The following UNC45A variants were observed in gnomAD, a reference collection of about 807,000 sequenced individuals.
UNC45A encodes unc-45 myosin chaperone A.
A neutral mutation model predicts 103.2 loss-of-function variants in UNC45A; 78 were observed. The ratio of observed to expected loss-of-function variants is 0.76; its 90% CI spans 0.63 to 0.91. UNC45A has a LOEUF of 0.91. UNC45A is among the 40% of genes least tolerant of loss of function. The pLI is 0.00. For synonymous variants in UNC45A, 495 were observed against 504.6 expected (o/e 0.98, Z 0.25); for missense variants, 1,193 against 1,224.8 (o/e 0.97, Z 0.39).
At chr15:90,935,109 G>A (rs1437834173), upstream of UNC45A, 2 of 597,590 alleles carry the variant, frequency 3.3e-6, no homozygotes, top group African/African-American at 1.9e-5. Context: ...AGGTCTCTGC[G>A]GGGACAGCTT....
chr15:90,931,778 C>T (rs1269694384), upstream of UNC45A: 1 of 1,614,182 alleles, frequency 6.2e-7, no homozygotes, highest in Admixed American at 1.7e-5. Flanking sequence ...GGCCCCGGGG[C>T]TACTGTGGGG....
At chr15:90,950,940 A>G (rs2036871649) in intron 17 of UNC45A, among the ~76,000 whole-genome samples, 1 of 152,222 alleles carries the variant, frequency 6.6e-6, no homozygotes, top group Admixed American at 6.5e-5. Flanking sequence ...ATAAAATGAG[A>G]AAATACACCT....
Position 90,953,625 on chromosome 15 carries a change from G to A in UNC45A, c.2744G>A (p.Gly915Asp), listed in dbSNP as rs1178747536. 1 of 1,614,112 alleles carries A rather than the reference G, an allele frequency of 6.2e-7. No homozygotes were observed. Among genetic ancestry groups the A allele is most frequent in the Non-Finnish European group, 8.5e-7 (1 of 1,180,020 alleles). Residue 915 changes from glycine to aspartate, a missense_variant, in exon 20 of 20, where the codon GGT becomes GAT. Gly to Asp is a moderately conservative substitution (Grantham distance 94, BLOSUM62 -1). Coordinates refer to ENST00000418476, the MANE Select transcript of UNC45A (RefSeq NM_018671.5). ...MMEILSVLAKGDHSPVTRAAA... is the reference protein window; with the variant it reads ...MMEILSVLAKDDHSPVTRAAA... ...GAGATCTTGTCAGTGCTAGCTAAGGGTGACCACAGCCCTGTCACAAGGGCT... is the reference window on the plus strand; with the variant it reads ...GAGATCTTGTCAGTGCTAGCTAAGGATGACCACAGCCCTGTCACAAGGGCT...
At chr15:90,946,276 GA>G (rs1355473212) in intron 9 of UNC45A, among the ~76,000 whole-genome samples, 8 of 146,280 alleles carry the variant, frequency 5.5e-5, no homozygotes, top group Non-Finnish European at 1.1e-4. Flanking sequence ...AAAAAAGAAA[GA>G]AAAAAAATTA....
chr15:90,942,434 C>T lies in UNC45A; in HGVS notation c.688-3C>T, dbSNP rs753107026. The T allele has an allele frequency of 6.2e-7, 1 of 1,605,540 alleles. No individual in the cohort carries two copies. Among genetic ancestry groups the T allele is most frequent in the Non-Finnish European group, 8.5e-7 (1 of 1,174,766 alleles). ...TTCCTTCTGTTTACCTCTCCCACCCCAGACAGTGGCAACCCTGAGCATACT... is the reference window on the plus strand; with the variant it reads ...TTCCTTCTGTTTACCTCTCCCACCCTAGACAGTGGCAACCCTGAGCATACT... On this transcript the variant is annotated splice_region_variant and splice_polypyrimidine_tract_variant and intron_variant, in intron 6 of 19. Coordinates refer to ENST00000418476, the MANE Select transcript of UNC45A (RefSeq NM_018671.5).
Position 90,953,702 on chromosome 15 carries a change from C to T in UNC45A, c.2821C>T (p.Gln941Ter), listed in dbSNP as rs751951586. The part of the protein sequence containing the change: ...AVEYGLIQPN[Q>*]DGE ...GGAATATGGGCTTATCCAACCCAAC[C>T]AAGATGGAGAGTGAGGGGGTTGTCC... Residue 941 changes from glutamine (Q) to a stop codon, truncating the protein, a stop_gained, in exon 20 of 20, where the codon CAA becomes TAA. Transcript: ENST00000418476. LOFTEE classifies it high-confidence loss of function. 49 of 1,613,748 alleles carry T rather than the reference C, an allele frequency of 3.0e-5. No homozygotes were observed. The highest frequency in any genetic ancestry group is 3.9e-5 in the Non-Finnish European group (46 of 1,179,932).
In UNC45A at chr15:90,935,956, A is replaced by G; in HGVS notation, c.224A>G (p.Asp75Gly). ...AACHLKLEDY[D>G]KAETEASKAI... ...GTCTTTCTCTTACAGGAAGATTACG[A>G]CAAAGCAGAAACAGAGGCATCCAAA... is the stretch of plus-strand genomic sequence containing the variant. Residue 75 changes from aspartate to glycine, a missense_variant, in exon 3 of 20, where the codon GAC (aspartate) becomes GGC (glycine). Physicochemically the swap from Asp to Gly is moderately conservative, Grantham distance 94. Transcript: ENST00000418476. 6.2e-7 allele frequency: 1 copy of G among 1,614,048 alleles called. No homozygotes were observed. Among genetic ancestry groups the G allele is most frequent in the Non-Finnish European group, 8.5e-7 (1 of 1,180,014 alleles).
At chr15:90,949,245 T>C in intron 13 of UNC45A, 71 bp from the exon 14 acceptor site, 1 of 1,545,304 alleles carries the variant, frequency 6.5e-7, no homozygotes, top group Non-Finnish European at 8.7e-7. Flanking sequence ...CCTCAATTAC[T>C]GCTGTGAGAA....
At position 90,943,000 on chromosome 15, in the gene UNC45A, C is replaced by T; in HGVS notation, c.945C>T (p.Ala315=). 1 of 1,614,200 alleles carries T rather than the reference C, an allele frequency of 6.2e-7. No homozygotes were observed. The highest frequency in any genetic ancestry group is 8.5e-7 in the Non-Finnish European group (1 of 1,180,024). Residue 315 remains alanine, a synonymous_variant, in exon 8 of 20, where the codon GCC becomes GCT. Coordinates refer to ENST00000418476, the MANE Select transcript of UNC45A (RefSeq NM_018671.5). ...TCTCTGGCCAAGGCCGAGACAATGC[C>T]CTGACCCTCCTGATTAAAGCGGTGC... ...VGVSGQGRDN[A]LTLLIKAVPR... is the part of the protein sequence containing the mutation.
upstream of UNC45A, chr15:90,931,606 T>C (rs777600971): frequency 1.5e-5 from 24 of 1,614,072 alleles, 3 homozygotes; most frequent in South Asian, 2.6e-4. Context: ...ATTTGGGAAT[T>C]AAGAATGCCC....
chr15:90,944,556 C>T (rs1217549194), intron 8 of UNC45A, among the ~76,000 whole-genome samples: 2 of 152,084 alleles, frequency 1.3e-5, no homozygotes, highest in African/African-American at 2.4e-5. Context: ...AGTGGTCCTA[C>T]GAGGTGTGGG....
At chr15:90,945,147 T>C in intron 9 of UNC45A, 84 bp downstream of exon 9, 1 of 1,533,540 alleles carries the variant, frequency 6.5e-7, no homozygotes, top group Non-Finnish European at 8.8e-7. Context: ...AAATGAAAGG[T>C]TTCCAGCAGA....
At chr15:90,942,150 T>A (rs1018765328) in intron 6 of UNC45A, among the ~76,000 whole-genome samples, 8 of 151,968 alleles carry the variant, frequency 5.3e-5, no homozygotes, top group Non-Finnish European at 7.4e-5. Context: ...TGGGGAGGCA[T>A]GAGCTAAGGC....
At position 90,950,138 on chromosome 15, in the gene UNC45A, G is replaced by A. The variant is rs923438786; in HGVS notation, c.2074-16G>A. The A allele has an allele frequency of 1.2e-5, 19 of 1,550,410 alleles. No individual in the cohort carries two copies. The East Asian group carries it at 2.7e-4, about 22-fold the overall frequency. ...TCCCAGGGATGTCCTGAGCAGTGACGGGCTTGTTCCTACAGGCGCTGATCC... is the reference window on the plus strand; with the variant it reads ...TCCCAGGGATGTCCTGAGCAGTGACAGGCTTGTTCCTACAGGCGCTGATCC... On this transcript the variant is annotated splice_polypyrimidine_tract_variant and intron_variant, in intron 15 of 19. Coordinates refer to ENST00000418476, the MANE Select transcript of UNC45A (RefSeq NM_018671.5).
At chr15:90,931,624 T>G, upstream of UNC45A, 1 of 1,614,068 alleles carries the variant, frequency 6.2e-7, no homozygotes. Flanking sequence ...CCCAGGGTTT[T>G]TCAGGGGAAC....
upstream of UNC45A, chr15:90,931,896 C>T: frequency 6.2e-7 from 1 of 1,614,108 alleles, no homozygotes; most frequent in Non-Finnish European, 8.5e-7. Context: ...AGCTCCACCT[C>T]ATCCAGGGTG....
chr15:90,935,173 C>G (rs539135917), upstream of UNC45A: 240 of 751,674 alleles, frequency 3.2e-4, no homozygotes, highest in Admixed American at 1.6e-3. Context: ...CGCCCCGCCC[C>G]TGCCCGGGCG....
intron 15 of UNC45A, 88 bp from the exon 16 acceptor site, chr15:90,950,066 G>A: frequency 1.6e-6 from 2 of 1,269,726 alleles, no homozygotes; most frequent in Non-Finnish European, 2.2e-6. Flanking sequence ...GGAGGAAGGT[G>A]AGGGTGGCAC....
At chr15:90,945,411 G>C (rs1034463147) in intron 9 of UNC45A, among the ~76,000 whole-genome samples, 1 of 151,874 alleles carries the variant, frequency 6.6e-6, no homozygotes, top group African/African-American at 2.4e-5. Context: ...GCTCAGGCTG[G>C]AGTGCAATGG....
Sources: gnomAD v4.1 joint callset for allele counts (sites outside exome capture counted in the v4.1 genomes callset) on GRCh38, gnomAD v4.1.1 for gene constraint, MANE v1.5 for transcripts, NCBI Gene and HGNC (gene_info 2026-07-23, HGNC 2026-07-21) for gene names.